Variants in NKAIN2 observed in about 807,000 individuals in gnomAD.
The protein encoded by NKAIN2 is sodium/potassium-transporting ATPase subunit beta-1-interacting protein 2.
In NKAIN2, 14 loss-of-function variants were observed where a neutral mutation model predicts 32.6. The observed-to-expected ratio is 0.43, with a 90% confidence interval of 0.28 to 0.67. The LOEUF is 0.67. Among genes scored for constraint, NKAIN2 ranks in the 30% least tolerant of loss-of-function variants. The pLI is 0.17. For missense variants in NKAIN2, 198 were observed against 258.3 expected (o/e 0.77, Z 1.60); for synonymous variants, 80 against 87.2 (o/e 0.92, Z 0.46).
chr6:123,924,689 A>G (rs1775925616), intron 1 of NKAIN2, among the ~76,000 whole-genome samples: 1 of 152,088 alleles, frequency 6.6e-6, no homozygotes, highest in Admixed American at 6.6e-5. Flanking sequence ...CATCTATGTA[A>G]CGAGTGGACT....
intron 3 of NKAIN2, among the ~76,000 whole-genome samples, chr6:124,361,943 A>G (rs1340022922): frequency 6.6e-6 from 1 of 152,120 alleles, no homozygotes; most frequent in South Asian, 2.1e-4. Flanking sequence ...CAATAAAACC[A>G]ATGCTTGTAT....
intron 1 of NKAIN2, among the ~76,000 whole-genome samples, chr6:124,090,962 C>A (rs1309842573): frequency 6.6e-6 from 1 of 151,864 alleles, no homozygotes; most frequent in Non-Finnish European, 1.5e-5. Context: ...ATCAGATAAA[C>A]ATTTTTAAGT....
intron 3 of NKAIN2, among the ~76,000 whole-genome samples, chr6:124,478,693 A>G (rs553723382): frequency 6.6e-6 from 1 of 152,344 alleles, no homozygotes; most frequent in East Asian, 1.9e-4. Context: ...TAAATGATTG[A>G]ATACATGAAT....
intron 3 of NKAIN2, among the ~76,000 whole-genome samples, chr6:124,620,267 A>G (rs1783057714): frequency 6.6e-6 from 1 of 151,932 alleles, no homozygotes; most frequent in Admixed American, 6.5e-5. Flanking sequence ...CATACAGGGT[A>G]ATCTTATTTT....
chr6:124,213,978 A>G (rs1012433079), intron 1 of NKAIN2, among the ~76,000 whole-genome samples: 10 of 152,190 alleles, frequency 6.6e-5, no homozygotes, highest in African/African-American at 2.4e-4. Context: ...GCCAAAGAAT[A>G]TTTCTTAAAT....
chr6:124,438,918 G>A (rs367772968), intron 3 of NKAIN2, among the ~76,000 whole-genome samples: 5 of 152,092 alleles, frequency 3.3e-5, no homozygotes, highest in East Asian at 1.9e-4. Context: ...CTGCTAAATC[G>A]TGGAGTTAAT....
chr6:124,392,927 C>T lies in NKAIN2; in HGVS notation c.273+37580C>T, dbSNP rs540804558. Among the ~76,000 whole-genome samples the T allele has an allele frequency of 1.4e-3, 206 of 152,174 alleles. 2 individuals carry two copies. The highest frequency in any genetic ancestry group is 3.4e-3 in the Middle Eastern group (1 of 294). ...AAGCTTGCTACTTGGCACCCTTGAG[C>T]CCAGGATTTTGAGGCTGCTGTAAGC... On this transcript the variant is annotated intron_variant, in intron 3 of 6. Transcript: ENST00000368417.
Position 124,599,019 on chromosome 6 carries a change from AT to A in NKAIN2, c.274-59152del, listed in dbSNP as rs34952742. Reference sequence around the variant, plus strand: ...TAAAGGTAATGAGGTACACAAATCTATTTTTTTTTTTTTTTGCCATACAACC... The same window carrying A: ...TAAAGGTAATGAGGTACACAAATCTATTTTTTTTTTTTTTGCCATACAACC... On this transcript the variant is annotated intron_variant, in intron 3 of 6. Coordinates refer to ENST00000368417, the MANE Select transcript of NKAIN2 (RefSeq NM_001040214.3). Among the ~76,000 whole-genome samples the A allele has an allele frequency of 5.0e-3, 705 of 141,812 alleles. 6 individuals carry two copies. The highest frequency in any genetic ancestry group is 9.4e-3 in the East Asian group (45 of 4,794). 93.0% of individuals were successfully genotyped at this position (141,812 alleles called of 152,430 possible). A position where few individuals can be genotyped will look rare whatever the true frequency, so the allele number is the denominator to read the frequency against.
chr6:124,054,227 A>G (rs767104127), intron 1 of NKAIN2, among the ~76,000 whole-genome samples: 1 of 152,036 alleles, frequency 6.6e-6, no homozygotes, highest in African/African-American at 2.4e-5. Context: ...GTAAGTTACC[A>G]AGAGAACAAA....
chr6:124,783,103 C>T (rs1779347485), intron 4 of NKAIN2, among the ~76,000 whole-genome samples: 1 of 152,066 alleles, frequency 6.6e-6, no homozygotes, highest in Admixed American at 6.6e-5. Flanking sequence ...GTTTTAAAAA[C>T]GAATCTGATA....
At chr6:124,487,595 G>A (rs74601578) in intron 3 of NKAIN2, among the ~76,000 whole-genome samples, 10,561 of 152,140 alleles carry the variant, frequency 0.069, 395 homozygotes, top group East Asian at 0.15. Context: ...ACTCACAGCT[G>A]TAATTGTTAG....
intron 1 of NKAIN2, among the ~76,000 whole-genome samples, chr6:124,191,957 A>G (rs1159709559): frequency 6.6e-6 from 1 of 152,022 alleles, no homozygotes; most frequent in African/African-American, 2.4e-5. Flanking sequence ...GTATTCCAAA[A>G]TTTCTTCTGA....
intron 1 of NKAIN2, among the ~76,000 whole-genome samples, chr6:124,139,926 C>G (rs894960255): frequency 6.6e-6 from 1 of 152,100 alleles, no homozygotes; most frequent in Admixed American, 6.5e-5. Context: ...ATTTTAGGAT[C>G]TATGATGCAT....
chr6:124,533,836 T>G (rs1583401161), intron 3 of NKAIN2, among the ~76,000 whole-genome samples: 1 of 152,062 alleles, frequency 6.6e-6, no homozygotes, highest in Non-Finnish European at 1.5e-5. Flanking sequence ...GCAGATCTGG[T>G]CTAGTGAAGG....
At chr6:124,437,791 G>C (rs759520110) in intron 3 of NKAIN2, 1 of 355,102 alleles carries the variant, frequency 2.8e-6, no homozygotes, top group Non-Finnish European at 5.4e-6. Flanking sequence ...TGCTTGACTT[G>C]GGTTTTGAAG....
At chr6:124,631,385 GAGA>G (rs1783559839) in intron 3 of NKAIN2, among the ~76,000 whole-genome samples, 1 of 152,154 alleles carries the variant, frequency 6.6e-6, no homozygotes, top group South Asian at 2.1e-4. Context: ...CTGATATCCT[GAGA>G]AGTTTACATT....
chr6:124,759,093 G>C (rs189341574), intron 4 of NKAIN2, among the ~76,000 whole-genome samples: 31 of 152,048 alleles, frequency 2.0e-4, no homozygotes, highest in Non-Finnish European at 3.7e-4. Flanking sequence ...ATTTTATTGG[G>C]CATGCCCCTA....
At chr6:124,463,555 T>G (rs993933705) in intron 3 of NKAIN2, among the ~76,000 whole-genome samples, 4 of 152,002 alleles carry the variant, frequency 2.6e-5, no homozygotes, top group Non-Finnish European at 5.9e-5. Context: ...CACCTTCTAC[T>G]CCATGTGCCT....
intron 1 of NKAIN2, among the ~76,000 whole-genome samples, chr6:124,028,897 ATATATACACATATATGTATATATATGTG>A (rs1781270092): frequency 1.2e-5 from 1 of 80,216 alleles, no homozygotes; most frequent in Non-Finnish European, 2.1e-5. Flanking sequence ...GTATATATAT[ATATATACACATATATGTATATATATGTG>A]TATATATATA....
Sources: gnomAD v4.1 joint callset for allele counts (sites outside exome capture counted in the v4.1 genomes callset) on GRCh38, gnomAD v4.1.1 for gene constraint, MANE v1.5 for transcripts, NCBI Gene and HGNC (gene_info 2026-07-23, HGNC 2026-07-21) for gene names.